TALDO1: variants seen among roughly 807,000 people sequenced by gnomAD.
TALDO1 encodes transaldolase.
In TALDO1, 29 loss-of-function variants were observed where a neutral mutation model predicts 38.1. That is an observed-to-expected ratio of 0.76 (90% confidence interval 0.57 to 1.04). The LOEUF (loss-of-function observed/expected upper bound fraction) is 1.04. TALDO1 is among the 50% of genes least tolerant of loss of function. The probability of loss-of-function intolerance (pLI) is 0.00; values close to 1 mark genes in which losing one functional copy is unlikely to be tolerated. For synonymous variants in TALDO1, 207 were observed against 176.8 expected (o/e 1.17, Z -1.36); for missense variants, 499 against 438.1 (o/e 1.14, Z -1.24).
At chr11:749,344 G>T in intron 1 of TALDO1, among the ~76,000 whole-genome samples, 1 of 147,188 alleles carries the variant, frequency 6.8e-6, no homozygotes, top group East Asian at 2.0e-4. Context: ...GGAGGTTGCA[G>T]TGAGCCAAGA....
intron 2 of TALDO1, among the ~76,000 whole-genome samples, chr11:758,069 G>A (rs920954220): frequency 1.3e-5 from 2 of 152,228 alleles, no homozygotes; most frequent in Admixed American, 1.3e-4. Context: ...GGATCACGAG[G>A]TCAGGAGATC....
At chr11:762,423 C>CTGAACACATCTGCTGCTA (rs879888124) in intron 4 of TALDO1, among the ~76,000 whole-genome samples, 20 of 151,856 alleles carry the variant, frequency 1.3e-4, no homozygotes, top group South Asian at 4.1e-4. Context: ...TGCTGCTGCT[C>CTGAACACATCTGCTGCTA]TGAACACATC....
intron 3 of TALDO1, among the ~76,000 whole-genome samples, chr11:759,615 C>T (rs1285042233): frequency 1.3e-5 from 2 of 151,890 alleles, no homozygotes; most frequent in Non-Finnish European, 2.9e-5. Context: ...GAGTCTCGCT[C>T]TGTTGCCAGT....
chr11:762,227 G>A (rs996569266), intron 4 of TALDO1, among the ~76,000 whole-genome samples: 1 of 152,206 alleles, frequency 6.6e-6, no homozygotes, highest in Non-Finnish European at 1.5e-5. Context: ...GCCTCCCAAA[G>A]TGTTGGGATC....
chr11:755,970 G>A lies in TALDO1; in HGVS notation c.189G>A (p.Glu63=), dbSNP rs1171746859. 6.2e-7 allele frequency: 1 copy of A among 1,613,890 alleles called. No individual in the cohort carries two copies. The change falls in exon 2 of 8, where the codon GAG becomes GAA. Residue 63 remains glutamate (E), a synonymous_variant. Transcript: ENST00000319006. The stretch of plus-strand genomic sequence containing the variant: ...TGCCCGCTTACCAGGAGCTGGTGGA[G>A]GAGGCGATTGCCTATGGCCGGAAGC... ...AQMPAYQELV[E]EAIAYGRKLG...
At chr11:755,135 C>CTTTTTTT (rs71022966) in intron 1 of TALDO1, among the ~76,000 whole-genome samples, 1 of 59,604 alleles carries the variant, frequency 1.7e-5, no homozygotes, top group African/African-American at 6.8e-5. Flanking sequence ...TCCCCTTGGC[C>CTTTTTTT]TTTTTTTTTT....
At chr11:760,041 G>A in intron 3 of TALDO1, 81 bp from the exon 4 acceptor site, 2 of 1,597,722 alleles carry the variant, frequency 1.3e-6, no homozygotes, top group South Asian at 1.1e-5. Flanking sequence ...AAACTGACAG[G>A]CAGACACCCG....
At position 757,305 on chromosome 11, in the gene TALDO1, T is replaced by C. The variant is rs1414987241; in HGVS notation, c.221+1303T>C. On this transcript the variant is annotated intron_variant, in intron 2 of 7. Transcript: ENST00000319006. ...TGGCCCCAAATTTTTTTTTTTTTTT[T>C]TTTTTGAGATAGAGTTTGGCTCTGT... Among the ~76,000 whole-genome samples the C allele has an allele frequency of 2.6e-5, 4 of 151,236 alleles. No individual in the cohort carries two copies. In the East Asian group the frequency reaches 7.7e-4, roughly 29 times the overall value.
In TALDO1 at chr11:758,147, A is replaced by G. The variant is rs1590069630; in HGVS notation, c.222-803A>G. The stretch of plus-strand genomic sequence containing the variant: ...AAATACAAAAAAATTAGCCGGGCAC[A>G]GTGGCGGGCGCCTGTAGTCCCAGCT... On this transcript the variant is annotated intron_variant, in intron 2 of 7. Coordinates refer to ENST00000319006, the MANE Select transcript of TALDO1 (RefSeq NM_006755.2). Among the ~76,000 whole-genome samples the G allele has an allele frequency of 2.0e-5, 3 of 152,154 alleles. No homozygotes were observed. The South Asian group carries it at 6.2e-4, about 32-fold the overall frequency.
rs778598959 is a variant in TALDO1, at chr11:764,307, A to G, written c.855A>G (p.Glu285=). 2 of 1,614,106 alleles carry G rather than the reference A, an allele frequency of 1.2e-6. No homozygotes were observed. Among genetic ancestry groups the G allele is most frequent in the Non-Finnish European group, 1.7e-6 (2 of 1,180,048 alleles). ...SAKAAQASDL[E]KIHLDEKSFR... ...CCCCAGCCCAAGCCAGTGACCTGGA[A>G]AAAATCCACCTGGATGAGAAGTCTT... is the stretch of plus-strand genomic sequence containing the variant. Residue 285 remains glutamate, a synonymous_variant, in exon 7 of 8, where the codon GAA becomes GAG. Transcript: ENST00000319006.
intron 4 of TALDO1, among the ~76,000 whole-genome samples, chr11:761,263 G>A (rs1269197376): frequency 1.3e-5 from 2 of 150,896 alleles, no homozygotes; most frequent in African/African-American, 2.4e-5. Flanking sequence ...TTCAACCTGG[G>A]AGGTGGACGT....
At position 759,036 on chromosome 11, in the gene TALDO1, T is replaced by A; in HGVS notation, c.308T>A (p.Val103Glu). 2 of 1,612,694 alleles carry A rather than the reference T, an allele frequency of 1.2e-6. No homozygotes were observed. The highest frequency in any genetic ancestry group is 1.7e-6 in the Non-Finnish European group (2 of 1,179,044). Residue 103 changes from valine to glutamate, a missense_variant, in exon 3 of 8, where the codon GTA becomes GAA. Val to Glu is a moderately radical substitution (Grantham distance 121, BLOSUM62 -2). Transcript: ENST00000319006. ...AEILKKIPGRVSTEVDARLSF... is the reference protein window; with the variant it reads ...AEILKKIPGRESTEVDARLSF... ...ATACTAAAGAAGATTCCGGGCCGAG[T>A]ATCCACAGAAGTAGACGCAAGGTAA...
chr11:755,524 A>G (rs1862820518), intron 1 of TALDO1, among the ~76,000 whole-genome samples: 2 of 152,152 alleles, frequency 1.3e-5, no homozygotes, highest in Admixed American at 1.3e-4. Context: ...CATGTGGCTC[A>G]TGACTAGACC....
rs1323670285 is a variant in TALDO1 at position 755,292 on chromosome 11, C to T, written c.98-587C>T. Among the ~76,000 whole-genome samples, 3 of 151,894 alleles carry T rather than the reference C, an allele frequency of 2.0e-5. No homozygotes were observed. The East Asian group carries it at 5.8e-4, about 29-fold the overall frequency. On this transcript the variant is annotated intron_variant, in intron 1 of 7. Coordinates refer to ENST00000319006, the MANE Select transcript of TALDO1 (RefSeq NM_006755.2). Reference sequence around the variant, plus strand: ...CCCGAGTAGCTGGGACTACAGGTGCCGACCACCACACCCAGCTAGTTTTTT... The same window carrying T: ...CCCGAGTAGCTGGGACTACAGGTGCTGACCACCACACCCAGCTAGTTTTTT...
intron 1 of TALDO1, among the ~76,000 whole-genome samples, chr11:749,677 C>T (rs1862719689): frequency 6.6e-6 from 1 of 152,090 alleles, no homozygotes; most frequent in African/African-American, 2.4e-5. Context: ...ATCCCTGGAC[C>T]CTGAAACCCA....
At position 763,831 on chromosome 11, in the gene TALDO1, C is replaced by A. The variant is rs140348538; in HGVS notation, c.722C>A (p.Thr241Lys). 1.2e-6 allele frequency: 2 copies of A among 1,614,060 alleles called. No homozygotes were observed. The highest frequency in any genetic ancestry group is 2.2e-5 in the South Asian group (2 of 91,092). ...TIVMGASFRN[T>K]GEIKALAGCD... ...GTCATGGGCGCCTCCTTCCGCAACA[C>A]GGGCGAGATCAAAGCACTGGCCGGC... Residue 241 changes from threonine (T) to lysine (K), a missense_variant, in exon 6 of 8, where the codon ACG becomes AAG. Coordinates refer to ENST00000319006, the MANE Select transcript of TALDO1 (RefSeq NM_006755.2).
At chr11:758,536 G>A (rs986421715) in intron 2 of TALDO1, among the ~76,000 whole-genome samples, 1 of 151,954 alleles carries the variant, frequency 6.6e-6, no homozygotes, top group Non-Finnish European at 1.5e-5. Context: ...AAAAGATGGA[G>A]GGAAGGAAAT....
chr11:755,739 G>GTTTCT, intron 1 of TALDO1, 140 bp from the exon 2 acceptor site: 1 of 1,211,148 alleles, frequency 8.3e-7, no homozygotes, highest in Non-Finnish European at 1.2e-6. Context: ...AGAAGAAGGT[G>GTTTCT]TGAGAAGTGT....
intron 1 of TALDO1, among the ~76,000 whole-genome samples, chr11:750,849 A>T (rs7945912): frequency 0.44 from 67,093 of 151,624 alleles, 15,408 homozygotes; most frequent in East Asian, 0.56. Flanking sequence ...AAAGTTACTG[A>T]ACTGGCTAAT....
Sources: gnomAD v4.1 joint callset for allele counts (sites outside exome capture counted in the v4.1 genomes callset) on GRCh38, gnomAD v4.1.1 for gene constraint, MANE v1.5 for transcripts, NCBI Gene and HGNC (gene_info 2026-07-23, HGNC 2026-07-21) for gene names.